The following SYNE1 variants were observed in gnomAD, a reference collection of about 807,000 sequenced individuals.
The protein encoded by SYNE1 is nesprin-1.
In SYNE1, 616 loss-of-function variants were observed where a neutral mutation model predicts 1,111.0. The ratio of observed to expected loss-of-function variants is 0.55; its 90% CI spans 0.52 to 0.59. SYNE1 has a LOEUF of 0.59. SYNE1 is among the 20% of genes least tolerant of loss of function. The probability of loss-of-function intolerance (pLI) is 0.00; values close to 1 mark genes in which losing one functional copy is unlikely to be tolerated. For missense variants in SYNE1, 10,006 were observed against 10,417.0 expected, an observed-to-expected ratio of 0.96 and a Z score of 1.72; for synonymous variants, 3,855 against 3,825.8, an observed-to-expected ratio of 1.01 and a Z score of -0.28.
At chr6:152,231,264 G>T in intron 114 of SYNE1, 127 bp downstream of exon 114, 1 of 922,814 alleles carries the variant, frequency 1.1e-6, no homozygotes, top group Non-Finnish European at 1.8e-6. Context: ...TTAACCTTCA[G>T]CGGTATTATT....
In SYNE1 at chr6:152,129,699, A is replaced by G. The variant is rs145517623; in HGVS notation, c.26153+1021T>C. On this transcript the variant is annotated intron_variant, in intron 145 of 145. Transcript: ENST00000367255. The stretch of plus-strand genomic sequence containing the variant: ...ACTTCAGCCGAGTGGGAAGGACCAA[A>G]TGAAATAGCCAGTCCCTTATGTACA... 759 of 152,250 alleles carry G rather than the reference A, an allele frequency of 5.0e-3. 14 individuals are homozygous for G. Among genetic ancestry groups the G allele is most frequent in the African/African-American group, 0.018 (739 of 41,526 alleles). 9.4% of individuals were successfully genotyped at this position (152,250 alleles called of 1,614,324 possible). A position where few individuals can be genotyped will look rare whatever the true frequency, so the allele number is the denominator to read the frequency against.
intron 3 of SYNE1, among the ~76,000 whole-genome samples, chr6:152,608,405 T>C (rs2099622147): frequency 6.6e-6 from 1 of 152,210 alleles, no homozygotes; most frequent in Admixed American, 6.5e-5. Context: ...GTAGTGTTCA[T>C]AATTTTATAT....
intron 22 of SYNE1, 74 bp from the exon 23 acceptor site, chr6:152,456,118 T>C (rs1237449425): frequency 4.7e-6 from 7 of 1,502,694 alleles, no homozygotes; most frequent in Non-Finnish European, 5.4e-6. Context: ...GAGTGACCAT[T>C]ACAGATAATA....
chr6:152,305,479 G>A (rs1257455019), intron 91 of SYNE1, among the ~76,000 whole-genome samples: 2 of 152,040 alleles, frequency 1.3e-5, no homozygotes, highest in Non-Finnish European at 2.9e-5. Flanking sequence ...TGGCCAGGCT[G>A]GTCTCAAACT....
At chr6:152,399,483 G>A (rs779131414) in intron 48 of SYNE1, 133 bp downstream of exon 48, 14 of 1,103,350 alleles carry the variant, frequency 1.3e-5, no homozygotes, top group South Asian at 5.0e-5. Context: ...TGCTCAAATC[G>A]CAAAGCACAA....
chr6:152,336,738 T>C, intron 76 of SYNE1, 103 bp downstream of exon 76: 3 of 1,419,644 alleles, frequency 2.1e-6, no homozygotes, highest in East Asian at 2.3e-5. Flanking sequence ...TGTCTAAGGA[T>C]TGACAGACAC....
chr6:152,400,540 G>C (rs987630529), intron 47 of SYNE1, among the ~76,000 whole-genome samples: 1 of 152,128 alleles, frequency 6.6e-6, no homozygotes, highest in East Asian at 1.9e-4. Context: ...GTGGGTGCCT[G>C]TAGTTCCAAC....
chr6:152,582,904 C>T (rs1353109104), intron 3 of SYNE1, among the ~76,000 whole-genome samples: 1 of 151,948 alleles, frequency 6.6e-6, no homozygotes, highest in Non-Finnish European at 1.5e-5. Context: ...TTTCTAAATA[C>T]TTTGTAGAAG....
chr6:152,259,154 C>G (rs904532183), intron 101 of SYNE1, among the ~76,000 whole-genome samples: 6 of 152,044 alleles, frequency 3.9e-5, no homozygotes, highest in African/African-American at 1.4e-4. Context: ...TATCCTCCAC[C>G]CAGCATCCCC....
chr6:152,218,464 A>G, intron 120 of SYNE1, 61 bp from the exon 121 acceptor site: 6 of 1,581,060 alleles, frequency 3.8e-6, no homozygotes, highest in Non-Finnish European at 5.2e-6. Context: ...GTATTTTAAT[A>G]AAGTCTGGTA....
At chr6:152,159,043 C>T (rs2061918807) in intron 131 of SYNE1, among the ~76,000 whole-genome samples, 1 of 152,186 alleles carries the variant, frequency 6.6e-6, no homozygotes, top group African/African-American at 2.4e-5. Flanking sequence ...CCTCCGCCTC[C>T]CAGGTTCAAG....
intron 29 of SYNE1, among the ~76,000 whole-genome samples, chr6:152,447,124 C>A (rs565158475): frequency 6.6e-6 from 1 of 152,134 alleles, no homozygotes; most frequent in African/African-American, 2.4e-5. Context: ...ATTTCTTTGA[C>A]CCTAAGCCTT....
chr6:152,427,478 T>C (rs1432633435), intron 38 of SYNE1: 1 of 615,484 alleles, frequency 1.6e-6, no homozygotes, highest in Non-Finnish European at 2.8e-6. Flanking sequence ...ATCATGGAAA[T>C]TGATCATCAC....
rs542203054 is a variant in SYNE1, at chr6:152,561,953, T to C, written c.68-21932A>G. On this transcript the variant is annotated intron_variant, in intron 3 of 145. Coordinates refer to ENST00000367255, the MANE Select transcript of SYNE1 (RefSeq NM_182961.4). ...TAAACGTAAGTCCTGAAATCATAAA[T>C]GTACTAGAAGAAAACATGGGCAAAA... is the stretch of plus-strand genomic sequence containing the variant. 3.9e-5 allele frequency among the ~76,000 whole-genome samples: 6 copies of C among 152,252 alleles called. No individual in the cohort carries two copies. The South Asian group carries it at 1.2e-3, about 31-fold the overall frequency.
chr6:152,601,409 T>C (rs1255119808), intron 3 of SYNE1, among the ~76,000 whole-genome samples: 1 of 152,052 alleles, frequency 6.6e-6, no homozygotes, highest in Admixed American at 6.6e-5. Context: ...GAAGGAACAA[T>C]AGGCTGAGGT....
intron 3 of SYNE1, among the ~76,000 whole-genome samples, chr6:152,580,053 T>C (rs137943289): frequency 2.4e-3 from 371 of 152,332 alleles, no homozygotes; most frequent in African/African-American, 8.5e-3. Context: ...CTGTGTCAAA[T>C]GGTAATTCTG....
chr6:152,244,514 A>C (rs1176340699), intron 106 of SYNE1, 23 bp downstream of exon 106: 2 of 1,613,808 alleles, frequency 1.2e-6, no homozygotes, highest in Non-Finnish European at 1.7e-6. Flanking sequence ...CTGCAGCTGA[A>C]TACTACTGGC....
intron 116 of SYNE1, among the ~76,000 whole-genome samples, chr6:152,224,925 A>G (rs1294315458): frequency 6.8e-6 from 1 of 147,430 alleles, no homozygotes; most frequent in Non-Finnish European, 1.5e-5. Context: ...ATGTATATAT[A>G]TACATATATA....
rs1394840822 is a variant in SYNE1 at position 152,155,130 on chromosome 6, G to A, written c.23979-88C>T. ...GTCTGCTGCCTGCGACTGGATTAAG[G>A]GTGCCCACAGAGGCAACTGTTGTGC... On this transcript the variant is annotated intron_variant, in intron 132 of 145. Transcript: ENST00000367255. 6 of 1,543,664 alleles carry A rather than the reference G, an allele frequency of 3.9e-6. No homozygotes were observed. The East Asian group carries it at 1.4e-4, about 35-fold the overall frequency.
Sources: allele counts gnomAD v4.1 joint callset (sites outside exome capture counted in the v4.1 genomes callset), GRCh38; gene constraint gnomAD v4.1.1; transcripts MANE v1.5; gene names NCBI Gene and HGNC (gene_info 2026-07-23, HGNC 2026-07-21).